Variants in CLDN10 observed in about 807,000 individuals in gnomAD.
CLDN10 encodes the protein claudin 10.
A neutral mutation model predicts 22.9 loss-of-function variants in CLDN10; 15 were observed. The observed-to-expected ratio is 0.65, with a 90% confidence interval of 0.44 to 1.01. CLDN10 has a LOEUF of 1.01. Among genes scored for constraint, CLDN10 ranks in the 50% least tolerant of loss-of-function variants. The pLI is 0.00. For missense variants in CLDN10, 247 were observed against 287.8 expected, an observed-to-expected ratio of 0.86 and a Z score of 1.03; for synonymous variants, 114 against 111.4, an observed-to-expected ratio of 1.02 and a Z score of -0.15.
intron 1 of CLDN10, among the ~76,000 whole-genome samples, chr13:95,492,103 A>C (rs1696383822): frequency 6.6e-6 from 1 of 151,670 alleles, no homozygotes; most frequent in Admixed American, 6.6e-5. Context: ...AGGGTCCTTA[A>C]CTTCGGTGGT....
intron 1 of CLDN10, among the ~76,000 whole-genome samples, chr13:95,502,943 G>T (rs1470206729): frequency 1.3e-5 from 2 of 152,194 alleles, no homozygotes; most frequent in African/African-American, 4.8e-5. Context: ...GGACACATTT[G>T]TATGGATGAA....
intron 1 of CLDN10, chr13:95,434,185 G>A (rs1056464802): frequency 2.8e-6 from 2 of 712,130 alleles, no homozygotes; most frequent in Non-Finnish European, 2.5e-6. Context: ...TGCCTAGGAA[G>A]GATGGGGTGT....
chr13:95,574,131 T>C (rs529739581), intron 3 of CLDN10, among the ~76,000 whole-genome samples: 20 of 152,310 alleles, frequency 1.3e-4, no homozygotes, highest in African/African-American at 4.6e-4. Context: ...TGATGGACAT[T>C]TGGGTTGGTT....
At chr13:95,510,961 G>A (rs908187731) in intron 1 of CLDN10, among the ~76,000 whole-genome samples, 1 of 152,168 alleles carries the variant, frequency 6.6e-6, no homozygotes, top group Non-Finnish European at 1.5e-5. Flanking sequence ...AAATGTTCAG[G>A]GTGTTGGAAA....
rs200962205 is a variant in CLDN10, at chr13:95,463,285, AATATATATATATATATATATATATAT to A, written c.214+29253_214+29278del. Among the ~76,000 whole-genome samples, 189 of 40,096 alleles carry A rather than the reference AATATATATATATATATATATATATAT, an allele frequency of 4.7e-3. 7 individuals are homozygous for A. The South Asian group carries it at 0.066, about 14-fold the overall frequency. The allele number at this position is 40,096 out of a possible 152,430, so 26.3% of individuals were successfully genotyped here. Reference sequence around the variant, plus strand: ...AGTTGAGTCAAAAGTGCAAATGCTTAATATATATATATATATATATATATATATATATATATATATTTGCCTTTTTT... The same window carrying A: ...AGTTGAGTCAAAAGTGCAAATGCTTAATATATATATATATTTGCCTTTTTT... On this transcript the variant is annotated intron_variant, in intron 1 of 4. Transcript: ENST00000376873.
rs7321397 is a variant in CLDN10, at chr13:95,564,615, G to A, written c.464+4152G>A. 3.2e-3 allele frequency among the ~76,000 whole-genome samples: 481 copies of A among 152,248 alleles called. 3 individuals carry two copies. The highest frequency in any genetic ancestry group is 0.011 in the African/African-American group (459 of 41,544). On this transcript the variant is annotated intron_variant, in intron 3 of 4. Transcript: ENST00000299339. ...TTCAGATTTGTATGCCGTGTTAATT[G>A]GATCTTCTTTGTAGATTTCCAGGAC...
At chr13:95,526,116 G>A (rs563520281) in intron 1 of CLDN10, among the ~76,000 whole-genome samples, 4 of 151,902 alleles carry the variant, frequency 2.6e-5, no homozygotes, top group South Asian at 2.1e-4. Context: ...TTTAATTTCC[G>A]AGAGAGTGTT....
intron 1 of CLDN10, among the ~76,000 whole-genome samples, chr13:95,459,014 C>T (rs980597835): frequency 2.6e-5 from 4 of 152,188 alleles, no homozygotes; most frequent in Non-Finnish European, 4.4e-5. Flanking sequence ...AGACCCCATG[C>T]AAGTCCAAAT....
At chr13:95,568,123 T>G (rs1166816002) in intron 3 of CLDN10, among the ~76,000 whole-genome samples, 1 of 152,224 alleles carries the variant, frequency 6.6e-6, no homozygotes, top group Non-Finnish European at 1.5e-5. Flanking sequence ...TTATTATAAT[T>G]TAATACATTA....
At chr13:95,443,228 G>C (rs912871659) in intron 1 of CLDN10, among the ~76,000 whole-genome samples, 2 of 152,180 alleles carry the variant, frequency 1.3e-5, no homozygotes, top group Non-Finnish European at 2.9e-5. Context: ...TGGACCTTAG[G>C]TGAATCCCTG....
intron 3 of CLDN10, among the ~76,000 whole-genome samples, chr13:95,564,968 AT>A (rs2043763962): frequency 6.6e-6 from 1 of 151,428 alleles, no homozygotes; most frequent in African/African-American, 2.4e-5. Context: ...CTATTTCTCT[AT>A]TTTTCCCTTT....
chr13:95,471,440 C>CACACACACATATATATATATAT (rs746573300), intron 1 of CLDN10, among the ~76,000 whole-genome samples: 5 of 104,376 alleles, frequency 4.8e-5, no homozygotes, highest in Admixed American at 1.0e-4. Flanking sequence ...CACACACACA[C>CACACACACATATATATATATAT]ATATATATAT....
intron 1 of CLDN10, among the ~76,000 whole-genome samples, chr13:95,537,826 G>A (rs1345574140): frequency 6.6e-6 from 1 of 152,124 alleles, no homozygotes; most frequent in African/African-American, 2.4e-5. Flanking sequence ...CACTCACCGG[G>A]GTAATTTGGA....
At chr13:95,471,941 A>ATT (rs58891166) in intron 1 of CLDN10, among the ~76,000 whole-genome samples, 157 of 95,778 alleles carry the variant, frequency 1.6e-3, no homozygotes, top group African/African-American at 4.2e-3. Flanking sequence ...ACACTCAGCT[A>ATT]TTTTTTTTTT....
At chr13:95,557,797 T>C (rs1309093847) in intron 1 of CLDN10, among the ~76,000 whole-genome samples, 1 of 152,094 alleles carries the variant, frequency 6.6e-6, no homozygotes, top group Non-Finnish European at 1.5e-5. Flanking sequence ...TCGGGAAAAA[T>C]GTTATCAGTG....
intron 1 of CLDN10, among the ~76,000 whole-genome samples, chr13:95,483,212 T>C (rs960979261): frequency 2.0e-5 from 3 of 152,170 alleles, no homozygotes; most frequent in African/African-American, 7.2e-5. Context: ...ACTTATTGAT[T>C]TTTCATTGAA....
At chr13:95,493,558 C>CT (rs372832325) in intron 1 of CLDN10, among the ~76,000 whole-genome samples, 11,246 of 132,156 alleles carry the variant, frequency 0.085, 589 homozygotes, top group South Asian at 0.11. Flanking sequence ...CCTACCCCCA[C>CT]TTTTTTTTTT....
chr13:95,459,198 G>A (rs576230653), intron 1 of CLDN10, among the ~76,000 whole-genome samples: 1 of 152,314 alleles, frequency 6.6e-6, no homozygotes, highest in South Asian at 2.1e-4. Flanking sequence ...CTGGCGTTGA[G>A]TGTCTGCAAC....
intron 1 of CLDN10, among the ~76,000 whole-genome samples, chr13:95,502,928 CT>C (rs35484518): frequency 0.083 from 12,645 of 152,240 alleles, 555 homozygotes; most frequent in African/African-American, 0.088. Context: ...TCTATCTCTT[CT>C]GATGGACACA....
Sources: allele counts gnomAD v4.1 joint callset (sites outside exome capture counted in the v4.1 genomes callset), GRCh38; gene constraint gnomAD v4.1.1; transcripts MANE v1.5; gene names NCBI Gene and HGNC (gene_info 2026-07-23, HGNC 2026-07-21).